TRAF2: variants seen among roughly 807,000 people sequenced by gnomAD.
TRAF2 encodes TNF receptor-associated factor 2.
TRAF2 carries 6 observed loss-of-function variants against 55.6 expected under a neutral mutation model. The ratio of observed to expected loss-of-function variants is 0.11; its 90% confidence interval spans 0.06 to 0.21. TRAF2 has a LOEUF of 0.21. TRAF2 is among the 10% of genes least tolerant of loss of function. The pLI, the probability that TRAF2 is intolerant of heterozygous loss-of-function variation, is 1.00. For missense variants in TRAF2, 561 were observed against 684.5 expected (o/e 0.82, Z 2.01); for synonymous variants, 329 against 276.3 (o/e 1.19, Z -1.89).
chr9:136,923,469 GGTGTGGTGTCGAGC>G (rs1850444886), intron 9 of TRAF2, among the ~76,000 whole-genome samples: 1 of 152,104 alleles, frequency 6.6e-6, no homozygotes, highest in Non-Finnish European at 1.5e-5. Context: ...AAATTAGCCA[GGTGTGGTGTCGAGC>G]GTCTGTAATC....
intron 1 of TRAF2, 130 bp downstream of exon 1, chr9:136,886,671 G>T (rs1588413141): frequency 1.6e-6 from 1 of 628,620 alleles, no homozygotes; most frequent in South Asian, 6.7e-5. Flanking sequence ...GAGCGGGGGC[G>T]GGAGAGGCCG....
upstream of TRAF2, chr9:136,886,381 G>A (rs922053951): frequency 3.7e-5 from 36 of 984,522 alleles, no homozygotes; most frequent in Non-Finnish European, 4.4e-5. Context: ...CTCGGAGCGG[G>A]GCGTATCTGG....
chr9:136,923,914 A>T lies in TRAF2; in HGVS notation c.1201A>T (p.Thr401Ser), dbSNP rs1449364523. 3.7e-6 allele frequency: 6 copies of T among 1,613,848 alleles called. No individual in the cohort carries two copies. The highest frequency in any genetic ancestry group is 4.2e-6 in the Non-Finnish European group (5 of 1,180,006). Residue 401 changes from threonine (T) to serine (S), a missense_variant, in exon 10 of 11, where the codon ACC becomes TCC. By Grantham distance (58) the Thr-to-Ser change is moderately conservative. Coordinates refer to ENST00000247668, the MANE Select transcript of TRAF2 (RefSeq NM_021138.4). ...CLRIYLNGDG[T>S]GRGTHLSLFF... is the part of the protein sequence containing the mutation. ...GCGTATCTACCTGAACGGCGACGGC[A>T]CCGGGCGAGGAACACACCTGTCCCT...
At chr9:136,904,374 T>TA in intron 4 of TRAF2, among the ~76,000 whole-genome samples, 1 of 152,134 alleles carries the variant, frequency 6.6e-6, no homozygotes, top group East Asian at 1.9e-4. Flanking sequence ...CCGGCCATTT[T>TA]ACTATGTTTT....
intron 5 of TRAF2, among the ~76,000 whole-genome samples, chr9:136,909,702 C>A (rs1335241171): frequency 6.6e-6 from 1 of 152,220 alleles, no homozygotes; most frequent in Non-Finnish European, 1.5e-5. Context: ...CCTCGCATTG[C>A]CCTGAGCTGG....
At position 136,920,384 on chromosome 9, in the gene TRAF2, A is replaced by G. The variant is rs754557079; in HGVS notation, c.829A>G (p.Lys277Glu). 1.5e-5 allele frequency: 25 copies of G among 1,614,054 alleles called. No individual in the cohort carries two copies. The highest frequency in any genetic ancestry group is 2.1e-5 in the Non-Finnish European group (25 of 1,180,018). ...CCTGCAGAGGTGCGAGAGCCTGGAG[A>G]AGAAGACGGCCACTTTTGAGAACAT... ...ELLQRCESLE[K>E]KTATFENIVC... is the part of the protein sequence containing the mutation. The change falls in exon 8 of 11, where the codon AAG becomes GAG. Residue 277 changes from lysine to glutamate, a missense_variant. By Grantham distance (56) the Lys-to-Glu change is moderately conservative. This residue lies in a region of TRAF2 where 426 missense variants were observed against 476.8 expected (regional missense o/e 0.89). Coordinates refer to ENST00000247668, the MANE Select transcript of TRAF2 (RefSeq NM_021138.4).
At position 136,923,940 on chromosome 9, in the gene TRAF2, C is replaced by T. The variant is rs755457324; in HGVS notation, c.1227C>T (p.Leu409=). 2 of 1,614,102 alleles carry T rather than the reference C, an allele frequency of 1.2e-6. No individual in the cohort carries two copies. Among genetic ancestry groups the T allele is most frequent in the East Asian group, 2.2e-5 (1 of 44,888 alleles). The change falls in exon 10 of 11, where the codon CTC becomes CTT. Residue 409 remains leucine, a synonymous_variant. Transcript: ENST00000247668. ...DGTGRGTHLS[L]FFVVMKGPND... is the part of the protein sequence containing the mutation. The stretch of plus-strand genomic sequence containing the variant: ...CCGGGCGAGGAACACACCTGTCCCT[C>T]TTCTTTGTGGTGATGAAGGGCCCGA...
At chr9:136,889,936 A>T (rs1205154520) in intron 1 of TRAF2, among the ~76,000 whole-genome samples, 5 of 149,952 alleles carry the variant, frequency 3.3e-5, no homozygotes, top group Admixed American at 6.6e-5. Flanking sequence ...TCAGCTCGTC[A>T]CCGCGTGTGT....
chr9:136,911,173 G>T (rs756466131), intron 6 of TRAF2, among the ~76,000 whole-genome samples: 3 of 152,198 alleles, frequency 2.0e-5, no homozygotes, highest in Non-Finnish European at 4.4e-5. Context: ...GGGCGCCCAC[G>T]CAGCGCGGTG....
chr9:136,902,437 C>T (rs533731788), intron 4 of TRAF2: 21 of 152,398 alleles, frequency 1.4e-4, no homozygotes, highest in Admixed American at 1.1e-3. Context: ...ACCCTGAGTC[C>T]TCTGGGGTCT....
In TRAF2 at chr9:136,907,029, G is replaced by A. The variant is rs7847435; in HGVS notation, c.367-1041G>A. Among the ~76,000 whole-genome samples the A allele has an allele frequency of 5.1e-3, 772 of 152,358 alleles. 8 individuals carry two copies. The highest frequency in any genetic ancestry group is 0.018 in the African/African-American group (731 of 41,582). ...TTCGGGCAGAGCCCTCAAGACGGTC[G>A]GGGAAGCCCTGCCTGGGGCAGCAGT... On this transcript the variant is annotated intron_variant, in intron 4 of 10. Transcript: ENST00000247668.
chr9:136,907,719 GGT>G (rs899398561), intron 4 of TRAF2, among the ~76,000 whole-genome samples: 31 of 152,244 alleles, frequency 2.0e-4, no homozygotes, highest in Admixed American at 6.5e-4. Context: ...GTTAGGAGCT[GGT>G]GTGTGTGGCA....
rs1420265994 is a variant in TRAF2, at chr9:136,908,051, T to G, written c.367-19T>G. ...TGTCCCACGCGAGTTCTACTGACGC[T>G]TCCTCCTTTCGTTGCTAGAGCTGCC... On this transcript the variant is annotated intron_variant, in intron 4 of 10. Transcript: ENST00000247668. 1 of 1,593,462 alleles carries G rather than the reference T, an allele frequency of 6.3e-7. No individual in the cohort carries two copies. The highest frequency in any genetic ancestry group is 1.7e-5 in the Admixed American group (1 of 58,136).
At chr9:136,904,092 G>A (rs1348632769) in intron 4 of TRAF2, among the ~76,000 whole-genome samples, 2 of 152,050 alleles carry the variant, frequency 1.3e-5, no homozygotes, top group Admixed American at 6.5e-5. Context: ...CGCAGCACCT[G>A]CCAGCCTTCG....
intron 1 of TRAF2, among the ~76,000 whole-genome samples, chr9:136,890,083 C>G (rs1461968860): frequency 1.4e-5 from 2 of 147,690 alleles, no homozygotes; most frequent in Non-Finnish European, 3.0e-5. Context: ...GTGTGAGTCC[C>G]CACCGCACGC....
At position 136,900,493 on chromosome 9, in the gene TRAF2, C is replaced by T; in HGVS notation, c.339C>T (p.Thr113=). ...LPAVCPSDGC[T]WKGTLKEYES... ...CCGTCTGTCCCAGTGATGGATGCACCTGGAAGGGGACCCTGAAAGAATACG... is the reference window on the plus strand; with the variant it reads ...CCGTCTGTCCCAGTGATGGATGCACTTGGAAGGGGACCCTGAAAGAATACG... The change falls in exon 4 of 11, where the codon ACC becomes ACT. Residue 113 remains threonine, a synonymous_variant. Transcript: ENST00000247668. The T allele has an allele frequency of 6.2e-7, 1 of 1,613,976 alleles. No individual in the cohort carries two copies. The highest frequency in any genetic ancestry group is 8.5e-7 in the Non-Finnish European group (1 of 1,179,960).
chr9:136,918,491 T>C (rs1179109407), intron 7 of TRAF2, among the ~76,000 whole-genome samples: 1 of 151,912 alleles, frequency 6.6e-6, no homozygotes, highest in South Asian at 2.1e-4. Flanking sequence ...GGTTTCACCA[T>C]GTTGCCCAGG....
chr9:136,909,982 C>A lies in TRAF2; in HGVS notation c.591C>A (p.Ile197=). ...GTGACGGCTGCGGCAAGAAGAAGAT[C>A]CCCCGGGAGAAGGTGAGTGTCCTTC... is the stretch of plus-strand genomic sequence containing the variant. ...LTCDGCGKKK[I]PREKFQDHVK... is the part of the protein sequence containing the mutation. The change falls in exon 6 of 11, where the codon ATC becomes ATA. Residue 197 remains isoleucine, a synonymous_variant. Coordinates refer to ENST00000247668, the MANE Select transcript of TRAF2 (RefSeq NM_021138.4). 1 of 1,613,920 alleles carries A rather than the reference C, an allele frequency of 6.2e-7. No homozygotes were observed. The highest frequency in any genetic ancestry group is 1.1e-5 in the South Asian group (1 of 91,032).
At chr9:136,918,259 T>TATA (rs1564419549) in intron 7 of TRAF2, among the ~76,000 whole-genome samples, 314 of 23,724 alleles carry the variant, frequency 0.013, 3 homozygotes, top group Non-Finnish European at 0.017. Context: ...ATATATATAT[T>TATA]TATTTAATTA....
Sources: allele counts gnomAD v4.1 joint callset (sites outside exome capture counted in the v4.1 genomes callset), GRCh38; gene constraint gnomAD v4.1.1; regional missense constraint gnomAD v4.1.1; transcripts MANE v1.5; gene names NCBI Gene and HGNC (gene_info 2026-07-23, HGNC 2026-07-21).